Variants in SMG6 observed in about 807,000 individuals in gnomAD.
SMG6 encodes the protein SMG6 nonsense mediated mRNA decay factor, also known as telomerase-binding protein EST1A.
SMG6 carries 66 observed loss-of-function variants against 142.2 expected under a neutral mutation model. That is an observed-to-expected ratio of 0.46 (90% CI 0.38 to 0.57). SMG6 has a LOEUF of 0.57. Among genes scored for constraint, SMG6 ranks in the 20% least tolerant of loss-of-function variants. SMG6 has a pLI of 0.00. For missense variants in SMG6, 1,793 were observed against 1,832.0 expected, an observed-to-expected ratio of 0.98 and a Z score of 0.39; for synonymous variants, 779 against 702.4, an observed-to-expected ratio of 1.11 and a Z score of -1.72.
intron 8 of SMG6, among the ~76,000 whole-genome samples, chr17:2,278,204 CT>C (rs36078137): frequency 0.55 from 77,599 of 140,656 alleles, 21,804 homozygotes; most frequent in East Asian, 0.74. Flanking sequence ...TTTATATATA[CT>C]TTTTTTTTTT....
At chr17:2,079,620 A>G (rs1340993474) in intron 15 of SMG6, among the ~76,000 whole-genome samples, 1 of 152,032 alleles carries the variant, frequency 6.6e-6, no homozygotes, top group Non-Finnish European at 1.5e-5. Flanking sequence ...TCAAAAAAAA[A>G]AAAGTAAAAG....
At chr17:2,172,883 G>T (rs1399080289) in intron 12 of SMG6, 24 bp from the exon 13 acceptor site, 2 of 1,610,456 alleles carry the variant, frequency 1.2e-6, no homozygotes, top group African/African-American at 1.3e-5. Context: ...GGTAAGAAAA[G>T]AGCAGCTCTA....
At chr17:2,228,561 C>T (rs2073382410) in intron 10 of SMG6, among the ~76,000 whole-genome samples, 1 of 151,772 alleles carries the variant, frequency 6.6e-6, no homozygotes, top group South Asian at 2.1e-4. Flanking sequence ...CAAGGTTTCC[C>T]CACGTTGACC....
intron 8 of SMG6, among the ~76,000 whole-genome samples, chr17:2,245,720 G>A (rs1448910605): frequency 1.3e-5 from 2 of 151,818 alleles, no homozygotes; most frequent in Admixed American, 6.6e-5. Flanking sequence ...TCACTCTGTC[G>A]CCCAGACTGG....
chr17:2,258,038 T>TACACACAC (rs869173398), intron 8 of SMG6, among the ~76,000 whole-genome samples: 63 of 89,288 alleles, frequency 7.1e-4, no homozygotes, highest in African/African-American at 2.2e-3. Context: ...AAAAAAAATA[T>TACACACAC]ACACACACAC....
intron 13 of SMG6, among the ~76,000 whole-genome samples, chr17:2,134,784 T>C (rs2070237991): frequency 6.6e-6 from 1 of 152,220 alleles, no homozygotes; most frequent in South Asian, 2.1e-4. Context: ...TGCTGATTCA[T>C]TCCTAATTAA....
At position 2,061,466 on chromosome 17, in the gene SMG6, G is replaced by GGA. The variant is rs770234882; in HGVS notation, c.*25_*26insTC. The stretch of plus-strand genomic sequence containing the variant: ...GGTGGCCTTTCAGGAACGGTTCCAC[G>GGA]GGGGGGGGGCCCCAGTGTGGCTCCC... On this transcript the variant is annotated 3_prime_UTR_variant, in exon 19 of 19. Coordinates refer to ENST00000263073, the MANE Select transcript of SMG6 (RefSeq NM_017575.5). The GGA allele has an allele frequency of 5.7e-6, 7 of 1,236,442 alleles. No homozygotes were observed. The highest frequency in any genetic ancestry group is 7.5e-6 in the Non-Finnish European group (7 of 935,806). The allele number at this position is 1,236,442 out of a possible 1,614,324, so 76.6% of individuals were successfully genotyped here. A position where few individuals can be genotyped will look rare whatever the true frequency, so the allele number is the denominator to read the frequency against.
At chr17:2,189,983 T>A (rs887797857) in intron 10 of SMG6, among the ~76,000 whole-genome samples, 1 of 152,126 alleles carries the variant, frequency 6.6e-6, no homozygotes, top group Non-Finnish European at 1.5e-5. Context: ...GTGATTAGAA[T>A]AGACCAGTCT....
At chr17:2,196,390 T>C (rs1288857238) in intron 10 of SMG6, among the ~76,000 whole-genome samples, 2 of 152,150 alleles carry the variant, frequency 1.3e-5, no homozygotes, top group Admixed American at 6.5e-5. Context: ...AATGCGTCAT[T>C]GCGCTTCAGC....
In SMG6 at chr17:2,188,523, CA is replaced by C; in HGVS notation, c.2870-9del. 7.4e-6 allele frequency: 12 copies of C among 1,612,334 alleles called. No homozygotes were observed. Among genetic ancestry groups the C allele is most frequent in the Non-Finnish European group, 1.0e-5 (12 of 1,179,070 alleles). Reference sequence around the variant, plus strand: ...ACTCCTCCGAGAAGCAGTCTGCGGACAGGCAAATGAAACTCTCAGCGCCCCA... The same window carrying C: ...ACTCCTCCGAGAAGCAGTCTGCGGACGGCAAATGAAACTCTCAGCGCCCCA... On this transcript the variant is annotated splice_polypyrimidine_tract_variant and intron_variant, in intron 10 of 18. Coordinates refer to ENST00000263073, the MANE Select transcript of SMG6 (RefSeq NM_017575.5).
intron 13 of SMG6, among the ~76,000 whole-genome samples, chr17:2,115,113 G>C (rs1319513537): frequency 6.6e-6 from 1 of 152,046 alleles, no homozygotes; most frequent in African/African-American, 2.4e-5. Context: ...AGATGAGGCA[G>C]AAGGAAGACA....
intron 13 of SMG6, among the ~76,000 whole-genome samples, chr17:2,103,632 G>C (rs976909310): frequency 2.6e-5 from 4 of 152,198 alleles, no homozygotes; most frequent in African/African-American, 9.7e-5. Context: ...CACTGAGCTT[G>C]CTCCAGCAGG....
intron 10 of SMG6, among the ~76,000 whole-genome samples, chr17:2,217,846 T>C (rs1285717883): frequency 1.8e-4 from 27 of 151,504 alleles, no homozygotes; most frequent in Non-Finnish European, 2.4e-4. Flanking sequence ...CCGTCTCTAC[T>C]AAAAATAAAA....
rs1597326598 is a variant in SMG6, at chr17:2,068,618, A to C, written c.3835+160T>G. 6.6e-6 allele frequency among the ~76,000 whole-genome samples: 1 copy of C among 152,220 alleles called. No individual in the cohort carries two copies. The highest frequency in any genetic ancestry group is 2.4e-5 in the African/African-American group (1 of 41,456). On this transcript the variant is annotated intron_variant, in intron 16 of 18. Transcript: ENST00000263073. The surrounding 1 kb of genome is among the most constrained non-coding windows in gnomAD (Gnocchi z 6.7). Reference sequence around the variant, plus strand: ...GAGAATGTGAACTACTTTGATTATTAAACAGTTTTCTTTGCCCCACGCGTT... The same window carrying C: ...GAGAATGTGAACTACTTTGATTATTCAACAGTTTTCTTTGCCCCACGCGTT...
chr17:2,143,990 G>C (rs2070574865), intron 13 of SMG6, among the ~76,000 whole-genome samples: 1 of 150,444 alleles, frequency 6.6e-6, no homozygotes, highest in African/African-American at 2.5e-5. Flanking sequence ...TGGACTTAAG[G>C]GATCCTCCCC....
intron 13 of SMG6, among the ~76,000 whole-genome samples, chr17:2,089,248 G>T (rs1567588490): frequency 6.6e-6 from 1 of 152,150 alleles, no homozygotes; most frequent in Non-Finnish European, 1.5e-5. Context: ...GCAAACTCTG[G>T]ATCCTCCAGA....
At chr17:2,125,759 C>A (rs1022262790) in intron 13 of SMG6, among the ~76,000 whole-genome samples, 1 of 152,112 alleles carries the variant, frequency 6.6e-6, no homozygotes, top group Non-Finnish European at 1.5e-5. Context: ...TGGAGACCAG[C>A]CTGGTCAACA....
chr17:2,087,546 G>C, intron 13 of SMG6: 1 of 1,021,568 alleles, frequency 9.8e-7, no homozygotes, highest in Non-Finnish European at 1.2e-6. Context: ...GATGTAGAAG[G>C]TTCTCGGCTA....
At chr17:2,142,888 CAAAAAAAAAAAA>C (rs1164289108) in intron 13 of SMG6, among the ~76,000 whole-genome samples, 1 of 52,508 alleles carries the variant, frequency 1.9e-5, no homozygotes, top group Non-Finnish European at 3.5e-5. Flanking sequence ...AACACTGTCT[CAAAAAAAAAAAA>C]AAAAAAAAAA....
Sources: allele counts gnomAD v4.1 joint callset (sites outside exome capture counted in the v4.1 genomes callset), GRCh38; gene constraint gnomAD v4.1.1; non-coding constraint Gnocchi (gnomAD v3.1); transcripts MANE v1.5; gene names NCBI Gene and HGNC (gene_info 2026-07-23, HGNC 2026-07-21).